The following CDH13 variants were observed in gnomAD, a reference collection of about 807,000 sequenced individuals.
CDH13 encodes cadherin-13.
A neutral mutation model predicts 63.8 loss-of-function variants in CDH13; 24 were observed. The observed-to-expected ratio is 0.38, with a 90% CI of 0.27 to 0.53. The LOEUF is 0.53. Among genes scored for constraint, CDH13 ranks in the 20% least tolerant of loss-of-function variants. The probability of loss-of-function intolerance (pLI) is 0.85; values close to 1 mark genes in which losing one functional copy is unlikely to be tolerated. For missense variants in CDH13, 1,049 were observed against 903.1 expected (o/e 1.16, Z -2.07); for synonymous variants, 503 against 355.3 (o/e 1.42, Z -4.67).
At chr16:83,750,653 A>T (rs926029121) in intron 11 of CDH13, among the ~76,000 whole-genome samples, 16 of 152,228 alleles carry the variant, frequency 1.1e-4, no homozygotes, top group African/African-American at 3.9e-4. Flanking sequence ...AGAACACCAC[A>T]TAAAATGAAG....
At chr16:83,487,732 C>T (rs1435002236) in intron 7 of CDH13, among the ~76,000 whole-genome samples, 1 of 152,190 alleles carries the variant, frequency 6.6e-6, no homozygotes, top group Non-Finnish European at 1.5e-5. Flanking sequence ...TCTGTAAGAA[C>T]CATCAGCTCC....
rs1453749146 is a variant in CDH13 at position 83,500,251 on chromosome 16, TC to T, written c.960+13597del. Among the ~76,000 whole-genome samples, 4 of 2,302 alleles carry T rather than the reference TC, an allele frequency of 1.7e-3. 1 individual carries two copies. The highest frequency in any genetic ancestry group is 8.0e-3 in the Non-Finnish European group (3 of 376). 1.5% of individuals were successfully genotyped at this position (2,302 alleles called of 152,430 possible). On this transcript the variant is annotated intron_variant, in intron 7 of 13. Coordinates refer to ENST00000567109, the MANE Select transcript of CDH13 (RefSeq NM_001257.5). ...TTCTTCTCCTTCTTCTTCTTCTTCT[TC>T]TTCTTCTTCTTCTTCTTCTTCTTCT... is the stretch of plus-strand genomic sequence containing the variant.
In CDH13 at chr16:83,055,798, A is replaced by G. The variant is rs182782555; in HGVS notation, c.366+23580A>G. Among the ~76,000 whole-genome samples, 198 of 152,282 alleles carry G rather than the reference A, an allele frequency of 1.3e-3. 2 individuals carry two copies. Among genetic ancestry groups the G allele is most frequent in the African/African-American group, 4.4e-3 (181 of 41,590 alleles). On this transcript the variant is annotated intron_variant, in intron 3 of 13. Transcript: ENST00000567109. ...AATAACTGACATAAACATTGAAAGA[A>G]GGAAAAATTATAAGCCAGTCTCTCT...
At chr16:83,684,952 G>A (rs1438994793) in intron 10 of CDH13, among the ~76,000 whole-genome samples, 1 of 151,858 alleles carries the variant, frequency 6.6e-6, no homozygotes, top group East Asian at 1.9e-4. Flanking sequence ...AGCCCCACAC[G>A]GCCCCACACA....
intron 5 of CDH13, among the ~76,000 whole-genome samples, chr16:83,218,978 G>A (rs1159760938): frequency 6.6e-6 from 1 of 152,132 alleles, no homozygotes; most frequent in Non-Finnish European, 1.5e-5. Context: ...TGCCATGATT[G>A]TGAGGCCTCC....
At chr16:83,458,233 C>T (rs1567686212) in intron 6 of CDH13, among the ~76,000 whole-genome samples, 1 of 152,202 alleles carries the variant, frequency 6.6e-6, no homozygotes. Flanking sequence ...CTGTACTTGA[C>T]ACCTGGTTCT....
intron 3 of CDH13, among the ~76,000 whole-genome samples, chr16:83,067,059 T>A (rs555947291): frequency 3.3e-5 from 5 of 152,318 alleles, no homozygotes; most frequent in African/African-American, 1.2e-4. Flanking sequence ...ACTGACCGTT[T>A]TAAGCGTCCT....
At chr16:83,186,064 T>C (rs2038507867) in intron 4 of CDH13, among the ~76,000 whole-genome samples, 1 of 151,560 alleles carries the variant, frequency 6.6e-6, no homozygotes. Flanking sequence ...AAAATTGTAT[T>C]ATTTTTAAAG....
chr16:82,853,321 A>G (rs955699979), intron 1 of CDH13, among the ~76,000 whole-genome samples: 1 of 152,226 alleles, frequency 6.6e-6, no homozygotes, highest in Admixed American at 6.5e-5. Context: ...AGTAACAACA[A>G]AAGTAATAAT....
At chr16:83,033,390 C>G (rs1225364019) in intron 3 of CDH13, among the ~76,000 whole-genome samples, 13 of 152,146 alleles carry the variant, frequency 8.5e-5, no homozygotes, top group Admixed American at 8.5e-4. Context: ...GCTGCCCAAC[C>G]TACTCATGGT....
rs1567737549 is a variant in CDH13, at chr16:83,006,904, T to TTTTTG, written c.158-25103_158-25102insTGTTT. 3.9e-4 allele frequency among the ~76,000 whole-genome samples: 55 copies of TTTTTG among 142,026 alleles called. 3 individuals are homozygous for TTTTTG. The highest frequency in any genetic ancestry group is 5.4e-4 in the Non-Finnish European group (35 of 64,350). 93.2% of individuals were successfully genotyped at this position (142,026 alleles called of 152,430 possible). A position where few individuals can be genotyped will look rare whatever the true frequency, so the allele number is the denominator to read the frequency against. ...CTTCAAAACACCCAGTTTTGATTTT[T>TTTTTG]TTTGTTTGTTTGTTTGTTTGTTTGT... On this transcript the variant is annotated intron_variant, in intron 2 of 13. Coordinates refer to ENST00000567109, the MANE Select transcript of CDH13 (RefSeq NM_001257.5).
intron 3 of CDH13, among the ~76,000 whole-genome samples, chr16:83,071,603 C>A (rs1020309335): frequency 1.3e-5 from 2 of 152,160 alleles, no homozygotes; most frequent in African/African-American, 4.8e-5. Flanking sequence ...TCCCCTGTGC[C>A]ACTGGAAAAC....
intron 5 of CDH13, among the ~76,000 whole-genome samples, chr16:83,320,048 G>A (rs117060236): frequency 6.6e-6 from 1 of 152,112 alleles, no homozygotes; most frequent in East Asian, 1.9e-4. Context: ...TGGACTGCCC[G>A]TTTGTTTATG....
At chr16:83,664,982 A>T (rs896826578) in intron 8 of CDH13, among the ~76,000 whole-genome samples, 1 of 152,220 alleles carries the variant, frequency 6.6e-6, no homozygotes, top group African/African-American at 2.4e-5. Context: ...AGACACAACA[A>T]ATATTTATTA....
chr16:82,826,749 A>T (rs1366415063), intron 1 of CDH13: 1 of 152,158 alleles, frequency 6.6e-6, no homozygotes, highest in Non-Finnish European at 1.5e-5. Flanking sequence ...AACTTAGTGG[A>T]TTTGCTGGTG....
chr16:83,441,916 A>G (rs1282764717), intron 6 of CDH13, among the ~76,000 whole-genome samples: 2 of 152,204 alleles, frequency 1.3e-5, no homozygotes, highest in Non-Finnish European at 2.9e-5. Flanking sequence ...CATTGATACA[A>G]CATCCCTATG....
At chr16:83,263,604 TC>T (rs1307286917) in intron 5 of CDH13, among the ~76,000 whole-genome samples, 1 of 152,184 alleles carries the variant, frequency 6.6e-6, no homozygotes, top group Non-Finnish European at 1.5e-5. Context: ...TAAAATATGA[TC>T]TTCGTGATGT....
chr16:83,023,216 G>A (rs878889759), intron 2 of CDH13: 1 of 152,118 alleles, frequency 6.6e-6, no homozygotes, highest in Non-Finnish European at 1.5e-5. Context: ...CATTTTGAGT[G>A]GAAAAGCGCT....
At chr16:83,762,417 G>T (rs537576180) in intron 11 of CDH13, among the ~76,000 whole-genome samples, 50 of 152,206 alleles carry the variant, frequency 3.3e-4, no homozygotes, top group Non-Finnish European at 5.0e-4. Context: ...AAAAACCCAA[G>T]CGGTAGAGAG....
Sources: gnomAD v4.1 joint callset for allele counts (sites outside exome capture counted in the v4.1 genomes callset) on GRCh38, gnomAD v4.1.1 for gene constraint, MANE v1.5 for transcripts, NCBI Gene and HGNC (gene_info 2026-07-23, HGNC 2026-07-21) for gene names.